The following MARCHF1 variants were observed in gnomAD, a reference collection of about 807,000 sequenced individuals.
MARCHF1 encodes E3 ubiquitin-protein ligase MARCHF1.
Under a neutral mutation model 54.2 loss-of-function variants are expected in MARCHF1, and 40 were observed. The ratio of observed to expected loss-of-function variants is 0.74; its 90% CI spans 0.57 to 0.96. MARCHF1 has a LOEUF of 0.96. MARCHF1 is among the 40% of genes least tolerant of loss of function. The probability of loss-of-function intolerance (pLI) is 0.00; values close to 1 mark genes in which losing one functional copy is unlikely to be tolerated. For missense variants in MARCHF1, 586 were observed against 656.5 expected (o/e 0.89, Z 1.17); for synonymous variants, 236 against 236.3 (o/e 1.00, Z 0.01).
intron 9 of MARCHF1, among the ~76,000 whole-genome samples, chr4:163,531,519 C>T (rs1738349787): frequency 6.6e-6 from 1 of 151,718 alleles, no homozygotes; most frequent in African/African-American, 2.4e-5. Flanking sequence ...AGATGCTTTC[C>T]CCCTAAGATC....
At chr4:163,965,969 T>C (rs1469355517) in intron 3 of MARCHF1, among the ~76,000 whole-genome samples, 2 of 152,056 alleles carry the variant, frequency 1.3e-5, no homozygotes, top group Non-Finnish European at 2.9e-5. Context: ...ACCCTGAGAT[T>C]GAGAGATGAC....
intron 5 of MARCHF1, among the ~76,000 whole-genome samples, chr4:163,673,115 G>A (rs1170494036): frequency 2.0e-5 from 3 of 152,180 alleles, no homozygotes. Context: ...TTGAAGGGCT[G>A]TAATTCAGCC....
intron 2 of MARCHF1, among the ~76,000 whole-genome samples, chr4:164,074,019 T>C (rs781672331): frequency 6.6e-6 from 1 of 152,234 alleles, no homozygotes; most frequent in Non-Finnish European, 1.5e-5. Context: ...TTTGCCAGGA[T>C]GGTGTCAATC....
At chr4:163,716,937 T>A (rs1475317029) in intron 4 of MARCHF1, among the ~76,000 whole-genome samples, 1 of 152,230 alleles carries the variant, frequency 6.6e-6, no homozygotes, top group Non-Finnish European at 1.5e-5. Flanking sequence ...ATTATTTTAC[T>A]GTTTTATTAT....
At chr4:164,206,962 A>G (rs1731624084) in intron 1 of MARCHF1, among the ~76,000 whole-genome samples, 1 of 152,154 alleles carries the variant, frequency 6.6e-6, no homozygotes, top group Admixed American at 6.5e-5. Context: ...TTTATCATTA[A>G]AATTTACCAT....
At chr4:163,620,145 C>T (rs1046235765) in intron 5 of MARCHF1, among the ~76,000 whole-genome samples, 2 of 152,000 alleles carry the variant, frequency 1.3e-5, no homozygotes, top group Non-Finnish European at 2.9e-5. Context: ...TTATACATGG[C>T]CAAAAGCCCT....
rs536045498 is a variant in MARCHF1, at chr4:163,898,017, C to T, written c.-38-43848G>A. 1.4e-3 allele frequency among the ~76,000 whole-genome samples: 188 copies of T among 135,952 alleles called. 1 individual carries two copies. The highest frequency in any genetic ancestry group is 4.6e-3 in the African/African-American group (168 of 36,766). 89.2% of individuals were successfully genotyped at this position (135,952 alleles called of 152,430 possible). On this transcript the variant is annotated intron_variant, in intron 3 of 9. Transcript: ENST00000514618. Reference sequence around the variant, plus strand: ...CGGAGCTTGCAGTGAGCCAAGATCGCGCCACTGCACTCCAGCCTGGGTGAC... The same window carrying T: ...CGGAGCTTGCAGTGAGCCAAGATCGTGCCACTGCACTCCAGCCTGGGTGAC...
chr4:163,648,695 G>A (rs1742854709), intron 5 of MARCHF1, among the ~76,000 whole-genome samples: 1 of 146,430 alleles, frequency 6.8e-6, no homozygotes, highest in African/African-American at 2.5e-5. Context: ...TCATGGAGAA[G>A]AAGAAGGAGA....
At position 163,585,941 on chromosome 4, in the gene MARCHF1, C is replaced by A; in HGVS notation, c.1011-12G>T. On this transcript the variant is annotated splice_polypyrimidine_tract_variant and intron_variant, in intron 7 of 9. Transcript: ENST00000514618. ...CGCAGTGACAGATTCTGCAGAAAGA[C>A]ACAGCAGCCAGTATGAGATCTCCCA... 6.3e-7 allele frequency: 1 copy of A among 1,593,694 alleles called. No individual in the cohort carries two copies. Among genetic ancestry groups the A allele is most frequent in the South Asian group, 1.1e-5 (1 of 88,232 alleles).
chr4:163,783,860 C>G (rs997235738), intron 4 of MARCHF1, among the ~76,000 whole-genome samples: 4 of 152,250 alleles, frequency 2.6e-5, no homozygotes, highest in Non-Finnish European at 4.4e-5. Flanking sequence ...CTGATGATTT[C>G]CAGCTATTTC....
chr4:163,737,204 ATTTTTTTTAATTTT>A (rs748509365), intron 4 of MARCHF1, among the ~76,000 whole-genome samples: 662 of 25,040 alleles, frequency 0.026, 56 homozygotes, highest in South Asian at 0.12. Context: ...TTATTTATTT[ATTTTTTTTAATTTT>A]TTTTTTTTTT....
intron 4 of MARCHF1, among the ~76,000 whole-genome samples, chr4:163,807,703 T>C (rs1026815498): frequency 6.6e-6 from 1 of 152,060 alleles, no homozygotes; most frequent in African/African-American, 2.4e-5. Context: ...ACTTCACATA[T>C]AAAATTATTT....
At chr4:164,370,399 CAT>C (rs1175143521) in intron 1 of MARCHF1, among the ~76,000 whole-genome samples, 3 of 152,304 alleles carry the variant, frequency 2.0e-5, no homozygotes, top group Middle Eastern at 3.4e-3. Context: ...TCATTGTATG[CAT>C]TCACTTCTAC....
At chr4:164,256,564 AAAG>A (rs1480735319) in intron 1 of MARCHF1, among the ~76,000 whole-genome samples, 1 of 152,026 alleles carries the variant, frequency 6.6e-6, no homozygotes, top group Non-Finnish European at 1.5e-5. Flanking sequence ...TTTTTTAAAA[AAAG>A]AAGGGAAAAA....
chr4:163,610,698 G>T (rs1340350027), intron 7 of MARCHF1, among the ~76,000 whole-genome samples: 2 of 152,030 alleles, frequency 1.3e-5, no homozygotes, highest in African/African-American at 4.8e-5. Flanking sequence ...AAGATTATAA[G>T]AAATTTACAT....
At chr4:163,632,561 C>G (rs562990168) in intron 5 of MARCHF1, among the ~76,000 whole-genome samples, 1 of 152,318 alleles carries the variant, frequency 6.6e-6, no homozygotes, top group Admixed American at 6.5e-5. Context: ...CGGCGCACCA[C>G]AAGATTATAT....
intron 4 of MARCHF1, among the ~76,000 whole-genome samples, chr4:163,828,248 T>A (rs779637242): frequency 1.3e-5 from 2 of 152,196 alleles, no homozygotes; most frequent in Non-Finnish European, 2.9e-5. Flanking sequence ...AACGGCAAAG[T>A]ACTTTTAACT....
At chr4:164,136,441 C>A (rs913501742) in intron 1 of MARCHF1, among the ~76,000 whole-genome samples, 2 of 152,076 alleles carry the variant, frequency 1.3e-5, no homozygotes. Flanking sequence ...GAGTGAGTAA[C>A]CCAGCTTCCC....
At chr4:164,184,391 G>C (rs778838408) in intron 1 of MARCHF1, among the ~76,000 whole-genome samples, 10 of 152,016 alleles carry the variant, frequency 6.6e-5, no homozygotes, top group Non-Finnish European at 4.4e-5. Flanking sequence ...CACCTATTTG[G>C]TGAATAGTTA....
Sources: gnomAD v4.1 joint callset for allele counts (sites outside exome capture counted in the v4.1 genomes callset) on GRCh38, gnomAD v4.1.1 for gene constraint, MANE v1.5 for transcripts, NCBI Gene and HGNC (gene_info 2026-07-23, HGNC 2026-07-21) for gene names.